Variants in HOXB13 observed in about 807,000 individuals in gnomAD.
The protein encoded by HOXB13 is homeobox protein Hox-B13.
A neutral mutation model predicts 23.1 loss-of-function variants in HOXB13; 22 were observed. The observed-to-expected ratio is 0.95, with a 90% confidence interval of 0.68 to 1.36. The LOEUF (loss-of-function observed/expected upper bound fraction) is 1.36. Among genes scored for constraint, HOXB13 ranks in the 40% most tolerant of loss-of-function variants. The pLI, the probability that HOXB13 is intolerant of heterozygous loss-of-function variation, is 0.00. For missense variants in HOXB13, 386 were observed against 376.2 expected, an observed-to-expected ratio of 1.03 and a Z score of -0.22; for synonymous variants, 173 against 157.9, an observed-to-expected ratio of 1.10 and a Z score of -0.72.
Position 48,728,267 on chromosome 17 carries a change from G to C in HOXB13, c.327C>G (p.Tyr109Ter), listed in dbSNP as rs749101324. 14 of 1,614,084 alleles carry C rather than the reference G, an allele frequency of 8.7e-6. No individual in the cohort carries two copies. Among genetic ancestry groups the C allele is most frequent in the Non-Finnish European group, 1.2e-5 (14 of 1,180,050 alleles). The change falls in exon 1 of 2, where the codon TAC (tyrosine) becomes TAG (stop). Residue 109 changes from tyrosine (Y) to a stop codon, truncating the protein, a stop_gained. Coordinates refer to ENST00000290295, the MANE Select transcript of HOXB13 (RefSeq NM_006361.6). LOFTEE classifies it high-confidence loss of function. ...CCCCGGCCGTGGGAGTCTCCGCGGG[G>C]TACGCGGCCAGGGTGGCTGCCTGGG... is the stretch of plus-strand genomic sequence containing the variant. Reference protein sequence around the residue: ...PCAQAATLAAYPAETPTAGEE... With the variant: ...PCAQAATLAA
At position 48,726,945 on chromosome 17, in the gene HOXB13, C is replaced by T; in HGVS notation, c.700G>A (p.Glu234Lys). The change falls in exon 2 of 2, where the codon GAG (glutamate) becomes AAG (lysine). Residue 234 changes from glutamate (E) to lysine (K), a missense_variant. By Grantham distance (56) the Glu-to-Lys change is moderately conservative. Coordinates refer to ENST00000290295, the MANE Select transcript of HOXB13 (RefSeq NM_006361.6). The part of the protein sequence containing the change: ...SKGQLRELER[E>K]YAANKFITKD... ...GTGATGAACTTGTTAGCCGCATACT[C>T]CCGCTCCAGCTCCCGCAACTGCCCC... 1 of 1,613,848 alleles carries T rather than the reference C, an allele frequency of 6.2e-7. No individual in the cohort carries two copies. The highest frequency in any genetic ancestry group is 8.5e-7 in the Non-Finnish European group (1 of 1,180,024).
Position 48,726,634 on chromosome 17 carries a change from G to A in HOXB13, c.*156C>T, listed in dbSNP as rs1053667607. 1.1e-5 allele frequency: 10 copies of A among 907,068 alleles called. No individual in the cohort carries two copies. The highest frequency in any genetic ancestry group is 1.8e-5 in the South Asian group (1 of 55,292). 56.2% of individuals were successfully genotyped at this position (907,068 alleles called of 1,614,324 possible). ...CCTGCACATACTGGGTACCCAGGCC[G>A]CTCCTGAGGAACAGTCCAGCAGCCA... On this transcript the variant is annotated 3_prime_UTR_variant, in exon 2 of 2. Transcript: ENST00000290295.
chr17:48,728,667 G>T lies in HOXB13; in HGVS notation c.-74C>A, dbSNP rs2038245588. 1.5e-5 allele frequency: 22 copies of T among 1,452,636 alleles called. No individual in the cohort carries two copies. Among genetic ancestry groups the T allele is most frequent in the Non-Finnish European group, 2.1e-5 (22 of 1,051,028 alleles). 90.0% of individuals were successfully genotyped at this position (1,452,636 alleles called of 1,614,324 possible). On this transcript the variant is annotated 5_prime_UTR_variant, in exon 1 of 2. Coordinates refer to ENST00000290295, the MANE Select transcript of HOXB13 (RefSeq NM_006361.6). Reference sequence around the variant, plus strand: ...CACCCAGCTCGCTCTCCCCACCCAGGCCGGGGGAATCCAAAGCGTTTTAAA... The same window carrying T: ...CACCCAGCTCGCTCTCCCCACCCAGTCCGGGGGAATCCAAAGCGTTTTAAA...
Position 48,728,378 on chromosome 17 carries a change from C to T in HOXB13, c.216G>A (p.Gly72=), listed in dbSNP as rs769145488. The T allele has an allele frequency of 1.2e-6, 2 of 1,613,894 alleles. No individual in the cohort carries two copies. Among genetic ancestry groups the T allele is most frequent in the Admixed American group, 3.3e-5 (2 of 60,032 alleles). Residue 72 remains glycine (G), a synonymous_variant, in exon 1 of 2, where the codon GGG becomes GGA. Transcript: ENST00000290295. ...CATAAGGCACGGGAGCTGGGGACGT[C>T]CCCTGGGGCACCCCAGGGCATGGGT... The part of the protein sequence containing the change: ...QCHPCPGVPQ[G]TSPAPVPYGY...
rs747003841 is a variant in HOXB13, at chr17:48,728,068, C to G, written c.526G>C (p.Gly176Arg). 1 of 1,614,238 alleles carries G rather than the reference C, an allele frequency of 6.2e-7. No homozygotes were observed. Among genetic ancestry groups the G allele is most frequent in the Admixed American group, 1.7e-5 (1 of 60,028 alleles). ...CAACACATCTGGCTGTTCCAGCCAC[C>G]AGCGAGAGCCCAAGACTGGTAACTG... ...VDSYQSWALA[G>R]GWNSQMCCQG... Residue 176 changes from glycine (G) to arginine (R), a missense_variant, in exon 1 of 2, where the codon GGT (glycine) becomes CGT (arginine). By Grantham distance (125) the Gly-to-Arg change is moderately radical. Coordinates refer to ENST00000290295, the MANE Select transcript of HOXB13 (RefSeq NM_006361.6).
chr17:48,727,088 C>G, intron 1 of HOXB13, 45 bp from the exon 2 acceptor site: 1 of 1,593,234 alleles, frequency 6.3e-7, no homozygotes, highest in South Asian at 1.1e-5. Context: ...GGTCAGATAC[C>G]CACCCATGCA....
At position 48,726,847 on chromosome 17, in the gene HOXB13, G is replaced by A. The variant is rs990843946; in HGVS notation, c.798C>T (p.Asn266=). 2 of 1,614,142 alleles carry A rather than the reference G, an allele frequency of 1.2e-6. No individual in the cohort carries two copies. The highest frequency in any genetic ancestry group is 1.7e-6 in the Non-Finnish European group (2 of 1,180,024). ...GAACCTTCTTCTCTTTGACCCGGCG[G>A]TTCTGAAACCAGATGGTAATCTGGC... is the stretch of plus-strand genomic sequence containing the variant. The part of the protein sequence containing the change: ...SERQITIWFQ[N]RRVKEKKVLA... Residue 266 remains asparagine (N), a synonymous_variant, in exon 2 of 2, where the codon AAC becomes AAT. Coordinates refer to ENST00000290295, the MANE Select transcript of HOXB13 (RefSeq NM_006361.6).
In HOXB13 at chr17:48,728,191, C is replaced by T. The variant is rs2143072314; in HGVS notation, c.403G>A (p.Gly135Arg). The T allele has an allele frequency of 1.2e-6, 2 of 1,614,192 alleles. No homozygotes were observed. Among genetic ancestry groups the T allele is most frequent in the Non-Finnish European group, 1.7e-6 (2 of 1,180,036 alleles). Reference protein sequence around the residue: ...TEFAFYPGYPGTYQPMASYLD... With the variant: ...TEFAFYPGYPRTYQPMASYLD... Reference sequence around the variant, plus strand: ...TAACTGGCCATAGGCTGGTAGGTTCCCGGATATCCCGGATAGAAGGCAAAC... The same window carrying T: ...TAACTGGCCATAGGCTGGTAGGTTCTCGGATATCCCGGATAGAAGGCAAAC... The change falls in exon 1 of 2, where the codon GGA (glycine) becomes AGA (arginine). Residue 135 changes from glycine to arginine, a missense_variant. Physicochemically the swap from Gly to Arg is moderately radical, Grantham distance 125. Coordinates refer to ENST00000290295, the MANE Select transcript of HOXB13 (RefSeq NM_006361.6).
In HOXB13 at chr17:48,728,378, C is replaced by A. The variant is rs769145488; in HGVS notation, c.216G>T (p.Gly72=). 4 of 1,613,894 alleles carry A rather than the reference C, an allele frequency of 2.5e-6. No homozygotes were observed. In the Admixed American group the frequency reaches 6.7e-5, roughly 27 times the overall value. Residue 72 remains glycine (G), a synonymous_variant, in exon 1 of 2, where the codon GGG becomes GGT. Coordinates refer to ENST00000290295, the MANE Select transcript of HOXB13 (RefSeq NM_006361.6). ...CATAAGGCACGGGAGCTGGGGACGT[C>A]CCCTGGGGCACCCCAGGGCATGGGT... ...QCHPCPGVPQ[G]TSPAPVPYGY... is the part of the protein sequence containing the mutation.
Position 48,728,052 on chromosome 17 carries a change from T to C in HOXB13, c.542A>G (p.Gln181Arg), listed in dbSNP as rs570681642. 1 of 1,614,212 alleles carries C rather than the reference T, an allele frequency of 6.2e-7. No homozygotes were observed. The highest frequency in any genetic ancestry group is 1.7e-5 in the Admixed American group (1 of 60,036). Reference sequence around the variant, plus strand: ...GTTCTGTTCTCCCTGGCAACACATCTGGCTGTTCCAGCCACCAGCGAGAGC... The same window carrying C: ...GTTCTGTTCTCCCTGGCAACACATCCGGCTGTTCCAGCCACCAGCGAGAGC... The part of the protein sequence containing the change: ...SWALAGGWNS[Q>R]MCCQGEQNPP... Residue 181 changes from glutamine (Q) to arginine (R), a missense_variant, in exon 1 of 2, where the codon CAG becomes CGG. Gln to Arg is a conservative substitution (Grantham distance 43). Coordinates refer to ENST00000290295, the MANE Select transcript of HOXB13 (RefSeq NM_006361.6).
At position 48,726,905 on chromosome 17, in the gene HOXB13, C is replaced by T. The variant is rs767502912; in HGVS notation, c.740G>A (p.Arg247His). The T allele has an allele frequency of 9.9e-6, 16 of 1,613,906 alleles. No homozygotes were observed. The South Asian group carries it at 1.4e-4, about 14-fold the overall frequency. ...ANKFITKDKR[R>H]KISAATSLSE... ...GAGGCTGGTGGCTGCCGAGATCTTG[C>T]GCCTCTTGTCCTTGGTGATGAACTT... Residue 247 changes from arginine to histidine, a missense_variant, in exon 2 of 2, where the codon CGC becomes CAC. Physicochemically the swap from Arg to His is conservative, Grantham distance 29. Transcript: ENST00000290295.
Position 48,726,677 on chromosome 17 carries a change from T to G in HOXB13, c.*113A>C. ...AGCAGCCAGTGGCCTGGGAAGGGTG[T>G]TGTCTCTAGGGGCCTCTCAGCAGAG... On this transcript the variant is annotated 3_prime_UTR_variant, in exon 2 of 2. Transcript: ENST00000290295. 1 of 1,330,716 alleles carries G rather than the reference T, an allele frequency of 7.5e-7. No individual in the cohort carries two copies. Among genetic ancestry groups the G allele is most frequent in the Non-Finnish European group, 1.0e-6 (1 of 977,348 alleles). 82.4% of individuals were successfully genotyped at this position (1,330,716 alleles called of 1,614,324 possible).
At position 48,728,386 on chromosome 17, in the gene HOXB13, G is replaced by A. The variant is rs370934116; in HGVS notation, c.208C>T (p.Pro70Ser). The A allele has an allele frequency of 3.1e-6, 5 of 1,613,788 alleles. No homozygotes were observed. Among genetic ancestry groups the A allele is most frequent in the Non-Finnish European group, 1.7e-6 (2 of 1,179,978 alleles). The stretch of plus-strand genomic sequence containing the variant: ...ACGGGAGCTGGGGACGTCCCCTGGG[G>A]CACCCCAGGGCATGGGTGGCATTGC... The part of the protein sequence containing the change: ...PKQCHPCPGV[P>S]QGTSPAPVPY... The change falls in exon 1 of 2, where the codon CCC (proline) becomes TCC (serine). Residue 70 changes from proline to serine, a missense_variant. Transcript: ENST00000290295.
In HOXB13 at chr17:48,726,635, C is replaced by A. The variant is rs765923303; in HGVS notation, c.*155G>T. ...CTGCACATACTGGGTACCCAGGCCG[C>A]TCCTGAGGAACAGTCCAGCAGCCAG... is the stretch of plus-strand genomic sequence containing the variant. On this transcript the variant is annotated 3_prime_UTR_variant, in exon 2 of 2. Transcript: ENST00000290295. The A allele has an allele frequency of 5.9e-5, 55 of 938,762 alleles. No homozygotes were observed. Among genetic ancestry groups the A allele is most frequent in the Non-Finnish European group, 6.7e-5 (43 of 640,308 alleles). 58.2% of individuals were successfully genotyped at this position (938,762 alleles called of 1,614,324 possible). A position where few individuals can be genotyped will look rare whatever the true frequency, so the allele number is the denominator to read the frequency against.
chr17:48,727,948 C>T (rs1322631423), intron 1 of HOXB13, 45 bp downstream of exon 1: 2 of 1,578,272 alleles, frequency 1.3e-6, no homozygotes, highest in African/African-American at 2.7e-5. Context: ...TTGGGACCCA[C>T]AACCCCAGGC....
rs2143075730 is a variant in HOXB13, at chr17:48,728,563, C to T, written c.31G>A (p.Gly11Arg). ...AGCAAGCCTTCGATATCCTTGGCTCCATCCAAGGTGGCATAATTGCCGGGC... is the reference window on the plus strand; with the variant it reads ...AGCAAGCCTTCGATATCCTTGGCTCTATCCAAGGTGGCATAATTGCCGGGC... MEPGNYATLDGAKDIEGLLGA... is the reference protein window; with the variant it reads MEPGNYATLDRAKDIEGLLGA... The change falls in exon 1 of 2, where the codon GGA (glycine) becomes AGA (arginine). Residue 11 changes from glycine to arginine, a missense_variant. Physicochemically the swap from Gly to Arg is moderately radical, Grantham distance 125. Transcript: ENST00000290295. 6.2e-7 allele frequency: 1 copy of T among 1,612,756 alleles called. No homozygotes were observed. Among genetic ancestry groups the T allele is most frequent in the East Asian group, 2.2e-5 (1 of 44,866 alleles).
At position 48,725,270 on chromosome 17, in the gene HOXB13, C is replaced by G. The variant is rs2038195670; in HGVS notation, c.*1520G>C. The G allele has an allele frequency of 6.5e-6, 1 of 152,998 alleles. No homozygotes were observed. Among genetic ancestry groups the G allele is most frequent in the Admixed American group, 6.5e-5 (1 of 15,284 alleles). The allele number at this position is 152,998 out of a possible 1,614,324, so 9.5% of individuals were successfully genotyped here. A position where few individuals can be genotyped will look rare whatever the true frequency, so the allele number is the denominator to read the frequency against. ...GGAAATCGACCTCATCTTCCTCCTC[C>G]TCGTCCTCTTCCCCTGAACCCCCAG... On this transcript the variant is annotated 3_prime_UTR_variant, in exon 2 of 2. Transcript: ENST00000290295.
chr17:48,728,146 GCAC>G lies in HOXB13; in HGVS notation c.445_447del (p.Val149del). The G allele has an allele frequency of 6.2e-7, 1 of 1,614,220 alleles. No homozygotes were observed. The highest frequency in any genetic ancestry group is 8.5e-7 in the Non-Finnish European group (1 of 1,180,044). Reference sequence around the variant, plus strand: ...GGTTCTCCAGGAGCACCCAGAGTCTGCACCACAGACACGTCCAGGTAACTGGCC... The same window carrying G: ...GGTTCTCCAGGAGCACCCAGAGTCTGCACAGACACGTCCAGGTAACTGGCC... On this transcript the variant is annotated inframe_deletion, in exon 1 of 2. Transcript: ENST00000290295.
intron 1 of HOXB13, 122 bp downstream of exon 1, chr17:48,727,871 G>T: frequency 1.6e-6 from 2 of 1,218,514 alleles, no homozygotes; most frequent in Non-Finnish European, 2.3e-6. Context: ...TAATAACCAA[G>T]GGAGGAGCAC....
Sources: gnomAD v4.1 joint callset for allele counts on GRCh38, gnomAD v4.1.1 for gene constraint, MANE v1.5 for transcripts, NCBI Gene and HGNC (gene_info 2026-07-23, HGNC 2026-07-21) for gene names.